Variants in MACROD2 observed in about 807,000 individuals in gnomAD.
The protein encoded by MACROD2 is ADP-ribose glycohydrolase MACROD2.
A neutral mutation model predicts 70.4 loss-of-function variants in MACROD2; 36 were observed. That is an observed-to-expected ratio of 0.51 (90% CI 0.39 to 0.68). The LOEUF (loss-of-function observed/expected upper bound fraction) is 0.68. MACROD2 is among the 30% of genes least tolerant of loss of function. MACROD2 has a pLI of 0.00. For missense variants in MACROD2, 496 were observed against 538.4 expected (o/e 0.92, Z 0.78); for synonymous variants, 172 against 178.8 (o/e 0.96, Z 0.30).
At chr20:15,804,598 C>A (rs1272120455) in intron 8 of MACROD2, among the ~76,000 whole-genome samples, 2 of 152,150 alleles carry the variant, frequency 1.3e-5, no homozygotes, top group Non-Finnish European at 2.9e-5. Context: ...AAGGTATGTT[C>A]TTTGTAGAAA....
At chr20:16,033,751 A>G (rs2067185498) in intron 15 of MACROD2, among the ~76,000 whole-genome samples, 1 of 151,994 alleles carries the variant, frequency 6.6e-6, no homozygotes, top group East Asian at 1.9e-4. Flanking sequence ...AGCTCTGCCT[A>G]AGTCTAGTGA....
chr20:15,910,942 C>G (rs1373216511), intron 10 of MACROD2, among the ~76,000 whole-genome samples: 1 of 152,206 alleles, frequency 6.6e-6, no homozygotes, highest in African/African-American at 2.4e-5. Flanking sequence ...TGTGCTCTGC[C>G]TCCCTCTGTA....
intron 3 of MACROD2, among the ~76,000 whole-genome samples, chr20:14,255,486 G>A (rs1017235401): frequency 6.7e-6 from 1 of 150,298 alleles, no homozygotes; most frequent in African/African-American, 2.4e-5. Flanking sequence ...ATTGAACAAT[G>A]AGAACACATG....
intron 2 of MACROD2, among the ~76,000 whole-genome samples, chr20:14,063,547 G>A (rs757199582): frequency 4.6e-5 from 7 of 152,126 alleles, no homozygotes; most frequent in African/African-American, 7.2e-5. Context: ...GACGCCACAA[G>A]TAAAAATTCT....
intron 5 of MACROD2, among the ~76,000 whole-genome samples, chr20:14,874,373 T>G (rs1249651475): frequency 6.8e-6 from 1 of 146,900 alleles, no homozygotes. Flanking sequence ...TTTTGTAAAC[T>G]GCAGACAACT....
intron 8 of MACROD2, among the ~76,000 whole-genome samples, chr20:15,830,122 T>G (rs1422130079): frequency 6.6e-6 from 1 of 152,174 alleles, no homozygotes; most frequent in East Asian, 1.9e-4. Flanking sequence ...CAGCCATATA[T>G]GTGTTGTGGG....
intron 3 of MACROD2, among the ~76,000 whole-genome samples, chr20:14,239,265 GA>G: frequency 6.6e-6 from 1 of 152,140 alleles, no homozygotes; most frequent in Non-Finnish European, 1.5e-5. Flanking sequence ...TCATGGATAG[GA>G]AGAATCAATA....
intron 7 of MACROD2, among the ~76,000 whole-genome samples, chr20:15,440,855 C>G (rs2146374306): frequency 6.6e-6 from 1 of 152,282 alleles, no homozygotes; most frequent in South Asian, 2.1e-4. Flanking sequence ...AAAACTTACT[C>G]TCAGGTGGTC....
intron 10 of MACROD2, among the ~76,000 whole-genome samples, chr20:15,920,962 T>C (rs1330432164): frequency 6.6e-6 from 1 of 152,202 alleles, no homozygotes; most frequent in African/African-American, 2.4e-5. Flanking sequence ...CTCTTTTCAG[T>C]CCATCCTGTT....
intron 6 of MACROD2, among the ~76,000 whole-genome samples, chr20:15,318,882 T>A (rs1458514392): frequency 6.6e-6 from 1 of 152,154 alleles, no homozygotes; most frequent in Non-Finnish European, 1.5e-5. Flanking sequence ...GACTGAAACC[T>A]TTCTCTTTAA....
intron 5 of MACROD2, among the ~76,000 whole-genome samples, chr20:15,031,032 A>G (rs190738252): frequency 6.2e-4 from 95 of 152,332 alleles, no homozygotes; most frequent in African/African-American, 2.0e-3. Flanking sequence ...GGCACGGAGC[A>G]GTGAAGGGTA....
intron 6 of MACROD2, among the ~76,000 whole-genome samples, chr20:15,409,526 A>C: frequency 6.6e-6 from 1 of 152,220 alleles, no homozygotes; most frequent in East Asian, 1.9e-4. Context: ...TATGGCACTG[A>C]TATGAGCATA....
In MACROD2 at chr20:15,865,713, G is replaced by A. The variant is rs187472466; in HGVS notation, c.727+2887G>A. Among the ~76,000 whole-genome samples the A allele has an allele frequency of 2.6e-5, 4 of 152,244 alleles. No homozygotes were observed. In the East Asian group the frequency reaches 7.7e-4, roughly 29 times the overall value. ...AAAACCAAAATGCACAAAACAGAAG[G>A]CATTTATTACTCACAAGTCCCAGAC... On this transcript the variant is annotated intron_variant, in intron 9 of 17. Coordinates refer to ENST00000684519, the MANE Select transcript of MACROD2 (RefSeq NM_001351661.2).
intron 8 of MACROD2, among the ~76,000 whole-genome samples, chr20:15,705,612 T>C (rs1028430713): frequency 6.6e-6 from 1 of 152,176 alleles, no homozygotes; most frequent in South Asian, 2.1e-4. Flanking sequence ...TAGAGATGGG[T>C]TTCACCATGT....
chr20:14,981,637 T>C (rs995053254), intron 5 of MACROD2, among the ~76,000 whole-genome samples: 3 of 152,024 alleles, frequency 2.0e-5, no homozygotes, highest in Non-Finnish European at 4.4e-5. Flanking sequence ...CGAGATCTGG[T>C]GGCTTTAAAA....
At chr20:15,477,489 A>T (rs2047038537) in intron 7 of MACROD2, among the ~76,000 whole-genome samples, 1 of 152,010 alleles carries the variant, frequency 6.6e-6, no homozygotes, top group African/African-American at 2.4e-5. Flanking sequence ...TTTGACGGGT[A>T]TGTGCGAGTT....
At chr20:15,649,147 CTT>C (rs2049603164) in intron 8 of MACROD2, among the ~76,000 whole-genome samples, 2 of 129,156 alleles carry the variant, frequency 1.5e-5, no homozygotes, top group Non-Finnish European at 3.2e-5. Context: ...CTTCCTCTTT[CTT>C]TCTTTTCTTT....
At chr20:14,833,600 A>G (rs563712585) in intron 5 of MACROD2, among the ~76,000 whole-genome samples, 26 of 152,232 alleles carry the variant, frequency 1.7e-4, no homozygotes, top group Admixed American at 1.5e-3. Flanking sequence ...GAAACTTTTA[A>G]TGTTTTCTAA....
At chr20:16,049,577 C>G (rs1019019404) in intron 17 of MACROD2, among the ~76,000 whole-genome samples, 1 of 152,152 alleles carries the variant, frequency 6.6e-6, no homozygotes, top group African/African-American at 2.4e-5. Flanking sequence ...TTGAGTTAAT[C>G]GTCCCCATCA....
Sources: gnomAD v4.1 joint callset for allele counts (sites outside exome capture counted in the v4.1 genomes callset) on GRCh38, gnomAD v4.1.1 for gene constraint, MANE v1.5 for transcripts, NCBI Gene and HGNC (gene_info 2026-07-23, HGNC 2026-07-21) for gene names.